EPN3: variants seen among roughly 807,000 people sequenced by gnomAD.
EPN3 encodes the protein epsin-3.
EPN3 carries 56 observed loss-of-function variants against 55.5 expected under a neutral mutation model. The ratio of observed to expected loss-of-function variants is 1.01; its 90% CI spans 0.81 to 1.26. EPN3 has a LOEUF of 1.26. Ranked by LOEUF, EPN3 falls within the 50% of genes most tolerant of loss-of-function variation. The pLI is 0.00. For missense variants in EPN3, 927 were observed against 853.4 expected, an observed-to-expected ratio of 1.09 and a Z score of -1.07; for synonymous variants, 449 against 375.2, an observed-to-expected ratio of 1.20 and a Z score of -2.27.
intron 3 of EPN3, 130 bp downstream of exon 3, chr17:50,538,327 A>C: frequency 1.5e-6 from 1 of 663,186 alleles, no homozygotes; most frequent in Non-Finnish European, 2.5e-6. Flanking sequence ...ACAGCACAAG[A>C]CCCATTATCT....
chr17:50,533,116 C>G, intron 1 of EPN3, 131 bp downstream of exon 1: 1 of 487,318 alleles, frequency 2.1e-6, no homozygotes, highest in South Asian at 2.1e-5. Flanking sequence ...TGTAGAGGAC[C>G]TAAAGGCTTC....
chr17:50,541,816 G>A lies in EPN3; in HGVS notation c.1586-28G>A, dbSNP rs779705283. The A allele has an allele frequency of 7.4e-6, 12 of 1,610,942 alleles. No individual in the cohort carries two copies. In the South Asian group the frequency reaches 1.2e-4, roughly 16 times the overall value. ...CCCGGTGTAGGGCTCTGAACCCCGG[G>A]TCACTCAAAGCCACTCTCGTTCTGC... On this transcript the variant is annotated intron_variant, in intron 9 of 9. Transcript: ENST00000268933.
rs775486205 is a variant in EPN3 at position 50,538,114 on chromosome 17, G to A, written c.598G>A (p.Glu200Lys). ...GTCACCCCGCTATACCTCCGACCTG[G>A]AGCAGGCCCGGCCTCAGACGTCAGG... ...SSSPRYTSDL[E>K]QARPQTSGEE... The change falls in exon 3 of 10, where the codon GAG becomes AAG. Residue 200 changes from glutamate to lysine, a missense_variant. Glu to Lys is a moderately conservative substitution (Grantham distance 56). Coordinates refer to ENST00000268933, the MANE Select transcript of EPN3 (RefSeq NM_017957.3). The A allele has an allele frequency of 4.5e-5, 73 of 1,613,942 alleles. No individual in the cohort carries two copies. The highest frequency in any genetic ancestry group is 6.0e-5 in the Non-Finnish European group (71 of 1,180,016).
chr17:50,541,148 A>C (rs540131125), intron 7 of EPN3, 81 bp from the exon 8 acceptor site: 1 of 1,600,536 alleles, frequency 6.2e-7, no homozygotes, highest in South Asian at 1.1e-5. Flanking sequence ...TTGTGTTAGG[A>C]GGACAGCTTC....
intron 6 of EPN3, 58 bp from the exon 7 acceptor site, chr17:50,540,735 G>C: frequency 1.3e-6 from 2 of 1,527,474 alleles, no homozygotes; most frequent in South Asian, 2.6e-5. Flanking sequence ...ACTGGGAAGG[G>C]CCCTGGGCGA....
chr17:50,539,055 G>A (rs984886946), intron 4 of EPN3, 91 bp downstream of exon 4: 40 of 1,537,370 alleles, frequency 2.6e-5, no homozygotes, highest in African/African-American at 5.5e-5. Flanking sequence ...CGCTGTACCC[G>A]GTGGCCCTGC....
intron 1 of EPN3, chr17:50,534,669 G>T: frequency 1.0e-6 from 1 of 984,406 alleles, no homozygotes; most frequent in Non-Finnish European, 1.2e-6. Flanking sequence ...TGCGCTGTGG[G>T]CCAGGCACTC....
Position 50,541,539 on chromosome 17 carries a change from G to A in EPN3, c.1430G>A (p.Gly477Asp), listed in dbSNP as rs1476913173. 5.0e-6 allele frequency: 8 copies of A among 1,614,070 alleles called. No individual in the cohort carries two copies. The highest frequency in any genetic ancestry group is 6.8e-6 in the Non-Finnish European group (8 of 1,180,046). Residue 477 changes from glycine (G) to aspartate (D), a missense_variant, in exon 9 of 10, where the codon GGC becomes GAC. Physicochemically the swap from Gly to Asp is moderately conservative, Grantham distance 94 (BLOSUM62 -1). Coordinates refer to ENST00000268933, the MANE Select transcript of EPN3 (RefSeq NM_017957.3). ...GTKEPDALDL[G>D]ILGEALTQPS... is the part of the protein sequence containing the mutation. ...AAGGAGCCAGATGCCCTGGACCTGG[G>A]CATACTAGGGGAAGCACTAACCCAG...
In EPN3 at chr17:50,541,934, T is replaced by TGGGCCTGGCAGGC. The variant is rs1567905902; in HGVS notation, c.1684_1696dup (p.Val566GlyfsTer36). The TGGGCCTGGCAGGC allele has an allele frequency of 5.6e-6, 9 of 1,599,138 alleles. No individual in the cohort carries two copies. In the South Asian group the frequency reaches 9.9e-5, roughly 18 times the overall value. ...CAGATGCGCACCGGCTCGCCGGCGC[T>TGGGCCTGGCAGGC]GGGCCTGGCAGGCGGGCCTGTGGGG... is the stretch of plus-strand genomic sequence containing the variant. On this transcript the variant is annotated frameshift_variant, in exon 10 of 10. Coordinates refer to ENST00000268933, the MANE Select transcript of EPN3 (RefSeq NM_017957.3). LOFTEE classifies it high-confidence loss of function.
In EPN3 at chr17:50,541,658, C is replaced by T; in HGVS notation, c.1549C>T (p.Pro517Ser). The change falls in exon 9 of 10, where the codon CCC becomes TCC. Residue 517 changes from proline to serine, a missense_variant. Coordinates refer to ENST00000268933, the MANE Select transcript of EPN3 (RefSeq NM_017957.3). The stretch of plus-strand genomic sequence containing the variant: ...CAACCTTGACTCGTTGGTCAAGGCA[C>T]CCCAGGTTGCAAAGACCCGGAACCC... ...LVNLDSLVKA[P>S]QVAKTRNPFL... is the part of the protein sequence containing the mutation. 3.1e-6 allele frequency: 5 copies of T among 1,614,088 alleles called. No individual in the cohort carries two copies. Among genetic ancestry groups the T allele is most frequent in the Non-Finnish European group, 4.2e-6 (5 of 1,180,012 alleles).
intron 2 of EPN3, chr17:50,537,576 C>T (rs1398558973): frequency 5.0e-6 from 1 of 199,626 alleles, no homozygotes; most frequent in African/African-American, 2.3e-5. Flanking sequence ...CCCTTCATCC[C>T]CCTACCTGAG....
chr17:50,538,419 T>A (rs1161792009), intron 3 of EPN3: 2 of 565,640 alleles, frequency 3.5e-6, no homozygotes, highest in Admixed American at 6.4e-5. Context: ...GAGTGTACAA[T>A]TAGGGGCACA....
At chr17:50,539,135 G>A (rs1392997749) in intron 4 of EPN3, 52 bp from the exon 5 acceptor site, 14 of 1,607,038 alleles carry the variant, frequency 8.7e-6, no homozygotes, top group South Asian at 3.3e-5. Context: ...ACAGGTCCCC[G>A]GATTCCCGCC....
At position 50,541,463 on chromosome 17, in the gene EPN3, G is replaced by A. The variant is rs749069474; in HGVS notation, c.1355-1G>A. 1.2e-6 allele frequency: 2 copies of A among 1,613,750 alleles called. No homozygotes were observed. The highest frequency in any genetic ancestry group is 1.7e-6 in the Non-Finnish European group (2 of 1,179,948). ...AATTAGCTCTAGCATTTCTATTCCAGAGCTGGACCTGTTTGGAGACCCCAG... is the reference window on the plus strand; with the variant it reads ...AATTAGCTCTAGCATTTCTATTCCAAAGCTGGACCTGTTTGGAGACCCCAG... On this transcript the variant is annotated splice_acceptor_variant, in intron 8 of 9. Coordinates refer to ENST00000268933, the MANE Select transcript of EPN3 (RefSeq NM_017957.3). LOFTEE classifies it high-confidence loss of function.
chr17:50,541,344 C>T lies in EPN3; in HGVS notation c.1354+11C>T. ...CCAGCAGCCCTGTGGGTGAGCAGGG[C>T]AAGGGGATGGTGAGGCTCTGGGGAA... is the stretch of plus-strand genomic sequence containing the variant. On this transcript the variant is annotated intron_variant, in intron 8 of 9. Transcript: ENST00000268933. 6.2e-7 allele frequency: 1 copy of T among 1,610,986 alleles called. No homozygotes were observed. The highest frequency in any genetic ancestry group is 8.5e-7 in the Non-Finnish European group (1 of 1,179,660).
chr17:50,537,253 C>A, intron 2 of EPN3, 135 bp downstream of exon 2: 2 of 915,860 alleles, frequency 2.2e-6, no homozygotes, highest in Middle Eastern at 3.4e-4. Context: ...GAATGTAACA[C>A]GCAAGGCGCA....
At position 50,541,633 on chromosome 17, in the gene EPN3, C is replaced by T. The variant is rs755097733; in HGVS notation, c.1524C>T (p.Val508=). 1 of 1,614,176 alleles carries T rather than the reference C, an allele frequency of 6.2e-7. No homozygotes were observed. Among genetic ancestry groups the T allele is most frequent in the Non-Finnish European group, 8.5e-7 (1 of 1,180,022 alleles). The change falls in exon 9 of 10, where the codon GTC becomes GTT. Residue 508 remains valine (V), a synonymous_variant. Coordinates refer to ENST00000268933, the MANE Select transcript of EPN3 (RefSeq NM_017957.3). ...TGGGTCCCTCAGCTTCCTCCTTGGTCAACCTTGACTCGTTGGTCAAGGCAC... is the reference window on the plus strand; with the variant it reads ...TGGGTCCCTCAGCTTCCTCCTTGGTTAACCTTGACTCGTTGGTCAAGGCAC... ...SFLGPSASSL[V]NLDSLVKAPQ... is the part of the protein sequence containing the mutation.
chr17:50,541,523 G>C lies in EPN3; in HGVS notation c.1414G>C (p.Asp472His), dbSNP rs765680167. 2.5e-6 allele frequency: 4 copies of C among 1,614,094 alleles called. No individual in the cohort carries two copies. In the African/African-American group the frequency reaches 4.0e-5, roughly 16 times the overall value. Residue 472 changes from aspartate (D) to histidine (H), a missense_variant, in exon 9 of 10, where the codon GAT (aspartate) becomes CAT (histidine). Coordinates refer to ENST00000268933, the MANE Select transcript of EPN3 (RefSeq NM_017957.3). ...CAAGCAAAATGGCACGAAGGAGCCA[G>C]ATGCCCTGGACCTGGGCATACTAGG... ...SSKQNGTKEPDALDLGILGEA... is the reference protein window; with the variant it reads ...SSKQNGTKEPHALDLGILGEA...
At position 50,542,598 on chromosome 17, in the gene EPN3, T is replaced by G; in HGVS notation, c.*441T>G. The stretch of plus-strand genomic sequence containing the variant: ...GGTCATTTCATTCATTTATCACACA[T>G]GGGCACTGGGGTTGGGCTAACAGCA... On this transcript the variant is annotated 3_prime_UTR_variant, in exon 10 of 10. Coordinates refer to ENST00000268933, the MANE Select transcript of EPN3 (RefSeq NM_017957.3). The G allele has an allele frequency of 5.5e-6, 1 of 181,370 alleles. No homozygotes were observed. The highest frequency in any genetic ancestry group is 1.1e-5 in the Non-Finnish European group (1 of 88,612). 11.2% of individuals were successfully genotyped at this position (181,370 alleles called of 1,614,324 possible).
Sources: allele counts gnomAD v4.1 joint callset, GRCh38; gene constraint gnomAD v4.1.1; transcripts MANE v1.5; gene names NCBI Gene and HGNC (gene_info 2026-07-23, HGNC 2026-07-21).